Variants in ERN1 observed in about 807,000 individuals in gnomAD.
ERN1 encodes endoplasmic reticulum to nucleus signaling 1, also known as serine/threonine-protein kinase/endoribonuclease IRE1.
Under a neutral mutation model 113.1 loss-of-function variants are expected in ERN1, and 39 were observed. The observed-to-expected ratio is 0.34, with a 90% CI of 0.27 to 0.45. The LOEUF (loss-of-function observed/expected upper bound fraction) is 0.45. Ranked by LOEUF, ERN1 falls within the 20% of genes least tolerant of loss-of-function variation. The probability of loss-of-function intolerance (pLI) is 1.00; values close to 1 mark genes in which losing one functional copy is unlikely to be tolerated. For missense variants in ERN1, 976 were observed against 1,274.8 expected (o/e 0.77, Z 3.57); for synonymous variants, 507 against 515.9 (o/e 0.98, Z 0.23).
chr17:64,077,213 A>C (rs1440245465), intron 4 of ERN1, among the ~76,000 whole-genome samples: 1 of 152,196 alleles, frequency 6.6e-6, no homozygotes, highest in African/African-American at 2.4e-5. Flanking sequence ...ACCCAAGTTA[A>C]AGTCCACAAT....
In ERN1 at chr17:64,040,161, T is replaced by C. The variant is rs141983811; in HGVS notation, c.*3827A>G. 498 of 152,120 alleles carry C rather than the reference T, an allele frequency of 3.3e-3. 1 individual carries two copies. Among genetic ancestry groups the C allele is most frequent in the Middle Eastern group, 6.8e-3 (2 of 294 alleles). The allele number at this position is 152,120 out of a possible 1,614,324, so 9.4% of individuals were successfully genotyped here. A position where few individuals can be genotyped will look rare whatever the true frequency, so the allele number is the denominator to read the frequency against. On this transcript the variant is annotated 3_prime_UTR_variant, in exon 22 of 22. Coordinates refer to ENST00000433197, the MANE Select transcript of ERN1 (RefSeq NM_001433.5). ...GACAAGGAAAAGAAACACTGGGAAA[T>C]TCAAAGAAAGGCAATCTCAGACACT...
intron 1 of ERN1, chr17:64,128,822 AT>A (rs958139531): frequency 5.3e-5 from 8 of 152,096 alleles, no homozygotes; most frequent in African/African-American, 1.9e-4. Flanking sequence ...AGGCAACCTT[AT>A]TTATTTACTT....
chr17:64,075,056 A>AC lies in ERN1; in HGVS notation c.355+118dup, dbSNP rs1317039790. ...TGGGGAGAACAGCACCTGAAGCACA[A>AC]CCCAGGAAAGAAAGGGTTGGCAAGG... On this transcript the variant is annotated intron_variant, in intron 5 of 21. Coordinates refer to ENST00000433197, the MANE Select transcript of ERN1 (RefSeq NM_001433.5). 4.7e-6 allele frequency: 4 copies of AC among 850,614 alleles called. No homozygotes were observed. The South Asian group carries it at 5.9e-5, about 13-fold the overall frequency. 52.7% of individuals were successfully genotyped at this position (850,614 alleles called of 1,614,324 possible).
In ERN1 at chr17:64,042,845, G is replaced by A. The variant is rs556647056; in HGVS notation, c.*1143C>T. On this transcript the variant is annotated 3_prime_UTR_variant, in exon 22 of 22. Transcript: ENST00000433197. ...TTTGGTACCACAAAAAATAGAAGATGTATTCTATCTTGCATTTATTCTTCA... is the reference window on the plus strand; with the variant it reads ...TTTGGTACCACAAAAAATAGAAGATATATTCTATCTTGCATTTATTCTTCA... The A allele has an allele frequency of 6.6e-6, 1 of 152,306 alleles. No individual in the cohort carries two copies. Among genetic ancestry groups the A allele is most frequent in the East Asian group, 1.9e-4 (1 of 5,186 alleles). 9.4% of individuals were successfully genotyped at this position (152,306 alleles called of 1,614,324 possible).
chr17:64,060,998 T>C (rs1209544380), intron 10 of ERN1, among the ~76,000 whole-genome samples: 2 of 152,186 alleles, frequency 1.3e-5, no homozygotes, highest in Admixed American at 1.3e-4. Flanking sequence ...AATTCCCATC[T>C]TGGTATTTAA....
rs116627037 is a variant in ERN1, at chr17:64,053,963, G to A, written c.1953+287C>T. Reference sequence around the variant, plus strand: ...CACTGTAACTTTTTTTTAATTTGACGGGGTCTCACTCTGTTGTCCAGGCTG... The same window carrying A: ...CACTGTAACTTTTTTTTAATTTGACAGGGTCTCACTCTGTTGTCCAGGCTG... On this transcript the variant is annotated intron_variant, in intron 15 of 21. Transcript: ENST00000433197. 1,044 of 302,740 alleles carry A rather than the reference G, an allele frequency of 3.4e-3. 9 individuals carry two copies. Among genetic ancestry groups the A allele is most frequent in the African/African-American group, 0.02 (940 of 46,500 alleles). 18.8% of individuals were successfully genotyped at this position (302,740 alleles called of 1,614,324 possible).
intron 6 of ERN1, among the ~76,000 whole-genome samples, chr17:64,068,938 T>C (rs1913323955): frequency 6.6e-6 from 1 of 152,204 alleles, no homozygotes; most frequent in African/African-American, 2.4e-5. Context: ...CTGTCTATGA[T>C]ATATTGTGAG....
At chr17:64,113,758 A>G (rs1914733631) in intron 1 of ERN1, among the ~76,000 whole-genome samples, 1 of 151,992 alleles carries the variant, frequency 6.6e-6, no homozygotes, top group Non-Finnish European at 1.5e-5. Flanking sequence ...ATCTCGGCCC[A>G]CTGCAACCTT....
chr17:64,098,082 GCAAATGT>G (rs766035879), intron 2 of ERN1, 32 bp downstream of exon 2: 226 of 1,611,154 alleles, frequency 1.4e-4, no homozygotes, highest in Non-Finnish European at 1.7e-4. Flanking sequence ...AACCAGTTAA[GCAAATGT>G]CCATGTCGCC....
At position 64,044,557 on chromosome 17, in the gene ERN1, T is replaced by C. The variant is rs574804948; in HGVS notation, c.2721+303A>G. On this transcript the variant is annotated intron_variant, in intron 21 of 21. Transcript: ENST00000433197. This position sits in a 1 kb window ranked among gnomAD's most constrained non-coding sequence, Gnocchi z 4.1. ...GCATTTGAGGTATGTTTATACATGT[T>C]TACACACAGTGGCTGCATCAGACAG... Among the ~76,000 whole-genome samples, 6 of 152,274 alleles carry C rather than the reference T, an allele frequency of 3.9e-5. No individual in the cohort carries two copies. In the South Asian group the frequency reaches 1.0e-3, roughly 26 times the overall value.
At chr17:64,102,117 T>TA (rs1047566337) in intron 1 of ERN1, among the ~76,000 whole-genome samples, 96 of 150,810 alleles carry the variant, frequency 6.4e-4, no homozygotes, top group African/African-American at 2.3e-3. Flanking sequence ...CCGTCTGTAC[T>TA]AAAAAAAAAT....
At chr17:64,053,943 T>TA (rs1912770285) in intron 15 of ERN1, 1 of 281,812 alleles carries the variant, frequency 3.5e-6, no homozygotes, top group Admixed American at 4.8e-5. Context: ...CAATTCACTG[T>TA]AACTTTTTTT....
At chr17:64,121,564 A>T (rs959574471) in intron 1 of ERN1, among the ~76,000 whole-genome samples, 1 of 152,162 alleles carries the variant, frequency 6.6e-6, no homozygotes, top group Non-Finnish European at 1.5e-5. Flanking sequence ...ATCTCAGCTC[A>T]CTGCAACCTC....
intron 2 of ERN1, among the ~76,000 whole-genome samples, chr17:64,087,544 T>C (rs1387620107): frequency 2.0e-5 from 3 of 152,138 alleles, no homozygotes; most frequent in Non-Finnish European, 4.4e-5. Flanking sequence ...GCAGTGACTG[T>C]AAATGTTTTG....
At chr17:64,058,025 A>C (rs1370181896) in intron 11 of ERN1, 32 bp from the exon 12 acceptor site, 1 of 1,483,806 alleles carries the variant, frequency 6.7e-7, no homozygotes, top group African/African-American at 1.4e-5. Flanking sequence ...ACATCACTGC[A>C]AAATTTCTAG....
At chr17:64,062,387 C>A (rs1913081631) in intron 10 of ERN1, among the ~76,000 whole-genome samples, 1 of 152,244 alleles carries the variant, frequency 6.6e-6, no homozygotes, top group African/African-American at 2.4e-5. Flanking sequence ...CATAGTAGGG[C>A]ATATCCTTTT....
Position 64,044,331 on chromosome 17 carries a change from A to G in ERN1, c.2722-131T>C. ...TTGGTTTTTGGTAAAGAAAAAGAAA[A>G]AAGGCTTATGTATCCAAGAATCCAG... On this transcript the variant is annotated intron_variant, in intron 21 of 21. Coordinates refer to ENST00000433197, the MANE Select transcript of ERN1 (RefSeq NM_001433.5). This position sits in a 1 kb window ranked among gnomAD's most constrained non-coding sequence, Gnocchi z 4.1. 1.5e-6 allele frequency: 1 copy of G among 645,880 alleles called. No homozygotes were observed. The allele number at this position is 645,880 out of a possible 1,614,324, so 40.0% of individuals were successfully genotyped here.
chr17:64,123,489 T>C (rs890440626), intron 1 of ERN1, among the ~76,000 whole-genome samples: 1 of 152,220 alleles, frequency 6.6e-6, no homozygotes, highest in Admixed American at 6.5e-5. Context: ...CATCCAACTT[T>C]TAAAGTCTAC....
At chr17:64,101,049 T>C (rs1914369714) in intron 1 of ERN1, among the ~76,000 whole-genome samples, 1 of 152,060 alleles carries the variant, frequency 6.6e-6, no homozygotes, top group African/African-American at 2.4e-5. Context: ...ATTAGGTTTC[T>C]GTCACTTGCA....
Sources: allele counts gnomAD v4.1 joint callset (sites outside exome capture counted in the v4.1 genomes callset), GRCh38; gene constraint gnomAD v4.1.1; non-coding constraint Gnocchi (gnomAD v3.1); transcripts MANE v1.5; gene names NCBI Gene and HGNC (gene_info 2026-07-23, HGNC 2026-07-21).